The following OXNAD1 variants were observed in gnomAD, a reference collection of about 807,000 sequenced individuals.
OXNAD1 encodes oxidoreductase NAD-binding domain-containing protein 1.
A neutral mutation model predicts 32.9 loss-of-function variants in OXNAD1; 34 were observed. The ratio of observed to expected loss-of-function variants is 1.03; its 90% CI spans 0.79 to 1.38. OXNAD1 has a LOEUF of 1.38. Among genes scored for constraint, OXNAD1 ranks in the 40% most tolerant of loss-of-function variants. OXNAD1 has a pLI of 0.00. For synonymous variants in OXNAD1, 134 were observed against 135.2 expected, an observed-to-expected ratio of 0.99 and a Z score of 0.06; for missense variants, 407 against 379.4, an observed-to-expected ratio of 1.07 and a Z score of -0.60.
intron 9 of OXNAD1, among the ~76,000 whole-genome samples, chr3:16,311,157 G>T (rs2067955219): frequency 6.6e-6 from 1 of 150,486 alleles, no homozygotes; most frequent in South Asian, 2.1e-4. Context: ...CAAAAAGAAA[G>T]ATGTAGTTCT....
Position 16,303,467 on chromosome 3 carries a change from A to C in OXNAD1, c.844A>C (p.Ile282Leu), listed in dbSNP as rs201533216. 209 of 1,613,938 alleles carry C rather than the reference A, an allele frequency of 1.3e-4. No individual in the cohort carries two copies. The highest frequency in any genetic ancestry group is 4.9e-4 in the Middle Eastern group (3 of 6,078). ...DHISKETLFY[I>L]CGPPPMTDFF... Reference sequence around the variant, plus strand: ...TATTTCAAAAGAGACTTTGTTCTATATTTGTGGCCCACCTCCAATGACAGA... The same window carrying C: ...TATTTCAAAAGAGACTTTGTTCTATCTTTGTGGCCCACCTCCAATGACAGA... Residue 282 changes from isoleucine (I) to leucine (L), a missense_variant, in exon 9 of 9, where the codon ATT (isoleucine) becomes CTT (leucine). Transcript: ENST00000285083. The surrounding 1 kb of genome is among the most constrained non-coding windows in gnomAD (Gnocchi z 4.8).
chr3:16,295,480 C>T (rs1048552102), intron 6 of OXNAD1, among the ~76,000 whole-genome samples: 1 of 152,106 alleles, frequency 6.6e-6, no homozygotes, highest in African/African-American at 2.4e-5. Context: ...GCTCTTCACT[C>T]GGGATTCTGA....
rs2065966572 is a variant in OXNAD1 at position 16,284,865 on chromosome 3, C to T, written c.184-1477C>T. ...TGCTGTTAACAGCCATATTCTGCTG[C>T]TTACTTTATTTTGTTGCTGAATTGC... is the stretch of plus-strand genomic sequence containing the variant. On this transcript the variant is annotated intron_variant, in intron 4 of 8. Transcript: ENST00000285083. This position sits in a 1 kb window ranked among gnomAD's most constrained non-coding sequence, Gnocchi z 4.1. Among the ~76,000 whole-genome samples the T allele has an allele frequency of 6.6e-6, 1 of 152,236 alleles. No individual in the cohort carries two copies. Among genetic ancestry groups the T allele is most frequent in the African/African-American group, 2.4e-5 (1 of 41,460 alleles).
chr3:16,340,048 C>T (rs1171332525), downstream of OXNAD1, among the ~76,000 whole-genome samples: 2 of 152,150 alleles, frequency 1.3e-5, no homozygotes, highest in Admixed American at 6.5e-5. Flanking sequence ...AGTATATTCA[C>T]GTATGAAAAT....
In OXNAD1 at chr3:16,327,739, T is replaced by C. The variant is rs1415635185; in HGVS notation, c.*31-9373T>C. On this transcript the variant is annotated intron_variant, in intron 9 of 9. Coordinates refer to the OXNAD1 transcript ENST00000435829. The surrounding 1 kb of genome is among the most constrained non-coding windows in gnomAD (Gnocchi z 4.2). ...TGGCACCACTGCACTCCAGCCTGGG[T>C]GACAGAGCGGGATTCCCATCTCAAA... Among the ~76,000 whole-genome samples, 4 of 150,258 alleles carry C rather than the reference T, an allele frequency of 2.7e-5. No homozygotes were observed. In the South Asian group the frequency reaches 6.4e-4, roughly 24 times the overall value.
In OXNAD1 at chr3:16,348,679, AAGT is replaced by A. The variant is rs1438949371; in HGVS notation, c.*31-493_*31-491del. On this transcript the variant is annotated intron_variant, in intron 9 of 9. Transcript: ENST00000606098. The surrounding 1 kb of genome is among the most constrained non-coding windows in gnomAD (Gnocchi z 6.3). ...TGCATCCTTGTTCCTGGGCATCAAA[AAGT>A]AGTCACTCTCTTTGAGCCTATGGAG... Among the ~76,000 whole-genome samples the A allele has an allele frequency of 1.3e-5, 2 of 152,216 alleles. No individual in the cohort carries two copies. Among genetic ancestry groups the A allele is most frequent in the Admixed American group, 6.5e-5 (1 of 15,298 alleles).
intron 9 of OXNAD1, among the ~76,000 whole-genome samples, chr3:16,330,289 CTTAA>C (rs2070181612): frequency 6.6e-6 from 1 of 152,196 alleles, no homozygotes; most frequent in Non-Finnish European, 1.5e-5. Flanking sequence ...ATGGTCTTGG[CTTAA>C]TTAATGTTAA....
At chr3:16,326,315 A>C (rs568798) in intron 9 of OXNAD1, among the ~76,000 whole-genome samples, 90,383 of 152,196 alleles carry the variant, frequency 0.59, 27,121 homozygotes, top group African/African-American at 0.69. Context: ...ATCTTGGCCA[A>C]GTCCCTCAAC....
downstream of OXNAD1, among the ~76,000 whole-genome samples, chr3:16,307,012 C>T (rs989074045): frequency 6.6e-6 from 1 of 152,114 alleles, no homozygotes; most frequent in South Asian, 2.1e-4. Context: ...TTCTGTTATT[C>T]TTCCTGTATA....
At chr3:16,349,936 C>A (rs567952229) in exon 10 of OXNAD1, 1 of 152,224 alleles carries the variant, frequency 6.6e-6, no homozygotes, top group African/African-American at 2.4e-5. Flanking sequence ...CTTCCTCTTC[C>A]GGGATCTCAA....
chr3:16,351,692 T>C (rs2125320456), downstream of OXNAD1, among the ~76,000 whole-genome samples: 1 of 152,296 alleles, frequency 6.6e-6, no homozygotes. The surrounding 1 kb of genome is among the most constrained non-coding windows in gnomAD (Gnocchi z 5.4). Flanking sequence ...GTATATAAGT[T>C]AGACCCATTA....
chr3:16,310,414 T>C (rs2067886758), downstream of OXNAD1, among the ~76,000 whole-genome samples: 1 of 152,180 alleles, frequency 6.6e-6, no homozygotes, highest in African/African-American at 2.4e-5. Flanking sequence ...TGAAATATAT[T>C]TCTTACTATC....
chr3:16,295,129 A>G, intron 6 of OXNAD1, 132 bp downstream of exon 6: 1 of 1,131,818 alleles, frequency 8.8e-7, no homozygotes, highest in Non-Finnish European at 1.2e-6. Flanking sequence ...AAGAGCTTCT[A>G]AGAAAGGTCA....
intron 1 of OXNAD1, 111 bp from the exon 2 acceptor site, chr3:16,269,015 G>T: frequency 2.1e-6 from 2 of 951,944 alleles, no homozygotes; most frequent in Non-Finnish European, 2.8e-6. Context: ...TGGGCTTGTT[G>T]TGAGGTGATG....
intron 9 of OXNAD1, among the ~76,000 whole-genome samples, chr3:16,330,419 A>G (rs971527311): frequency 6.6e-6 from 1 of 152,220 alleles, no homozygotes; most frequent in African/African-American, 2.4e-5. Context: ...TTTTAAGTCC[A>G]TTAGCTAAGA....
rs1038287045 is a variant in OXNAD1, at chr3:16,346,750, C to T, written c.*31-2426C>T. The stretch of plus-strand genomic sequence containing the variant: ...GACGTGTGGCAGGAAAAAACTGCCC[C>T]GTTCTTCACGGTTGTCATCACATTT... On this transcript the variant is annotated intron_variant, in intron 9 of 9. Coordinates refer to the OXNAD1 transcript ENST00000606098. The surrounding 1 kb of genome is among the most constrained non-coding windows in gnomAD (Gnocchi z 4.4). Among the ~76,000 whole-genome samples the T allele has an allele frequency of 2.6e-5, 4 of 152,214 alleles. No homozygotes were observed. Among genetic ancestry groups the T allele is most frequent in the African/African-American group, 7.2e-5 (3 of 41,436 alleles).
chr3:16,279,561 A>G (rs2065602253), intron 4 of OXNAD1, among the ~76,000 whole-genome samples: 1 of 152,006 alleles, frequency 6.6e-6, no homozygotes, highest in African/African-American at 2.4e-5. Flanking sequence ...AAGAGGACTC[A>G]GGACTCAGCC....
In OXNAD1 at chr3:16,302,862, C is replaced by A; in HGVS notation, c.784+114C>A. On this transcript the variant is annotated intron_variant, in intron 8 of 8. Transcript: ENST00000285083. This position sits in a 1 kb window ranked among gnomAD's most constrained non-coding sequence, Gnocchi z 4.2. ...AGCTGCTGGCTGGGAATGTCACTAT[C>A]TGGGGAATTGGGATGATTCCTCATG... 1.3e-6 allele frequency: 1 copy of A among 797,018 alleles called. No homozygotes were observed. Among genetic ancestry groups the A allele is most frequent in the Non-Finnish European group, 2.1e-6 (1 of 478,640 alleles). The allele number at this position is 797,018 out of a possible 1,614,324, so 49.4% of individuals were successfully genotyped here. A position where few individuals can be genotyped will look rare whatever the true frequency, so the allele number is the denominator to read the frequency against.
In OXNAD1 at chr3:16,288,658, C is replaced by A. The variant is rs2066232052; in HGVS notation, c.290+2210C>A. 6.6e-6 allele frequency among the ~76,000 whole-genome samples: 1 copy of A among 152,204 alleles called. No homozygotes were observed. The highest frequency in any genetic ancestry group is 2.4e-5 in the African/African-American group (1 of 41,454). ...GTTCCAAGAACTGTAGCAATCCAAT[C>A]CCGAGAGAAAGGCCAAAGGCAGAAC... On this transcript the variant is annotated intron_variant, in intron 5 of 8. Coordinates refer to ENST00000285083, the MANE Select transcript of OXNAD1 (RefSeq NM_138381.5). The surrounding 1 kb of genome is among the most constrained non-coding windows in gnomAD (Gnocchi z 5.1).
Sources: allele counts gnomAD v4.1 joint callset (sites outside exome capture counted in the v4.1 genomes callset), GRCh38; gene constraint gnomAD v4.1.1; non-coding constraint Gnocchi (gnomAD v3.1); transcripts MANE v1.5; gene names NCBI Gene and HGNC (gene_info 2026-07-23, HGNC 2026-07-21).